Variants in FOXN3 observed in about 807,000 individuals in gnomAD.
The protein encoded by FOXN3 is forkhead box protein N3.
A neutral mutation model predicts 38.4 loss-of-function variants in FOXN3; 7 were observed. The ratio of observed to expected loss-of-function variants is 0.18; its 90% CI spans 0.10 to 0.34. The LOEUF is 0.34. Ranked by LOEUF, FOXN3 falls within the 10% of genes least tolerant of loss-of-function variation. The pLI, the probability that FOXN3 is intolerant of heterozygous loss-of-function variation, is 1.00. For missense variants in FOXN3, 456 were observed against 613.4 expected, an observed-to-expected ratio of 0.74 and a Z score of 2.71; for synonymous variants, 230 against 242.2, an observed-to-expected ratio of 0.95 and a Z score of 0.47.
At chr14:89,329,676 T>A (rs1888181331) in intron 3 of FOXN3, among the ~76,000 whole-genome samples, 1 of 151,732 alleles carries the variant, frequency 6.6e-6, no homozygotes, top group African/African-American at 2.4e-5. Context: ...CCTAACATGG[T>A]GAAACCCTGT....
At chr14:89,193,179 CT>C (rs1387254744) in intron 4 of FOXN3, among the ~76,000 whole-genome samples, 1 of 152,052 alleles carries the variant, frequency 6.6e-6, no homozygotes, top group Admixed American at 6.5e-5. Context: ...TACATGGTCC[CT>C]GCCTCCGCAG....
At chr14:89,606,560 A>T (rs1164894866) in intron 1 of FOXN3, among the ~76,000 whole-genome samples, 1 of 152,184 alleles carries the variant, frequency 6.6e-6, no homozygotes, top group Non-Finnish European at 1.5e-5. Context: ...GTATAAAAAT[A>T]AAACTGTAGC....
chr14:89,310,370 C>T (rs969560853), intron 3 of FOXN3, among the ~76,000 whole-genome samples: 2 of 152,294 alleles, frequency 1.3e-5, no homozygotes, highest in African/African-American at 4.8e-5. Flanking sequence ...ATGGAGAGAG[C>T]GGCTCGGCTG....
intron 3 of FOXN3, among the ~76,000 whole-genome samples, chr14:89,327,056 T>A (rs1374124443): frequency 6.7e-6 from 1 of 149,300 alleles, no homozygotes. Context: ...CTCCAAGAGA[T>A]GAGTCCAATT....
rs755857217 is a variant in FOXN3 at position 89,350,719 on chromosome 14, G to T, written c.633C>A (p.His211Gln). The T allele has an allele frequency of 6.2e-7, 1 of 1,602,900 alleles. No homozygotes were observed. The highest frequency in any genetic ancestry group is 1.3e-5 in the African/African-American group (1 of 74,232). Residue 211 changes from histidine (H) to glutamine (Q), a missense_variant, in exon 3 of 6, where the codon CAC (histidine) becomes CAA (glutamine). By Grantham distance (24) the His-to-Gln change is conservative. This residue lies in a region of FOXN3 where 386 missense variants were observed against 505.2 expected (regional missense o/e 0.76). Transcript: ENST00000557258. ...TGGGAGGTGTATTGAACACGTGTGG[G>T]TGTGGGTGATAAGGTGTCTTTTTCA... is the stretch of plus-strand genomic sequence containing the variant. ...QALKKTPYHPHPHVFNTPPTC... is the reference protein window; with the variant it reads ...QALKKTPYHPQPHVFNTPPTC...
intron 3 of FOXN3, among the ~76,000 whole-genome samples, chr14:89,332,740 G>A: frequency 6.6e-6 from 1 of 152,104 alleles, no homozygotes; most frequent in South Asian, 2.1e-4. Context: ...TACAGCAAAG[G>A]AAATAGTCTA....
intron 4 of FOXN3, among the ~76,000 whole-genome samples, chr14:89,233,775 G>A (rs1029661886): frequency 3.9e-5 from 6 of 152,196 alleles, no homozygotes; most frequent in African/African-American, 9.7e-5. Flanking sequence ...GAGTGACCTC[G>A]GGTAGGTCCC....
intron 4 of FOXN3, among the ~76,000 whole-genome samples, chr14:89,201,735 C>T (rs987621944): frequency 6.6e-6 from 1 of 152,152 alleles, no homozygotes; most frequent in African/African-American, 2.4e-5. Flanking sequence ...GGTCATCTTC[C>T]CCAGTGATTG....
chr14:89,354,525 C>T (rs1473396284), intron 2 of FOXN3, among the ~76,000 whole-genome samples: 1 of 145,516 alleles, frequency 6.9e-6, no homozygotes, highest in Non-Finnish European at 1.5e-5. Flanking sequence ...CTGCGCCCGG[C>T]CGTGGAGTGC....
At chr14:89,457,544 T>C (rs1892751795) in intron 1 of FOXN3, among the ~76,000 whole-genome samples, 1 of 152,140 alleles carries the variant, frequency 6.6e-6, no homozygotes, top group Non-Finnish European at 1.5e-5. Context: ...GGGACAACAA[T>C]AGTACCTACT....
chr14:89,482,646 C>T (rs1262004521), intron 1 of FOXN3, among the ~76,000 whole-genome samples: 1 of 151,602 alleles, frequency 6.6e-6, no homozygotes, highest in African/African-American at 2.4e-5. Context: ...TGGTGGCTCA[C>T]ACCTATAATC....
chr14:89,545,818 G>A (rs1303893055), intron 1 of FOXN3, among the ~76,000 whole-genome samples: 1 of 152,066 alleles, frequency 6.6e-6, no homozygotes, highest in Non-Finnish European at 1.5e-5. Flanking sequence ...CTTCACAAAC[G>A]CCACCCCAGA....
At position 89,272,314 on chromosome 14, in the gene FOXN3, A is replaced by C. The variant is rs1886173561; in HGVS notation, c.745+8636T>G. On this transcript the variant is annotated intron_variant, in intron 4 of 5. Coordinates refer to ENST00000557258, the MANE Select transcript of FOXN3 (RefSeq NM_005197.4). ...GGTGACAGAGCGAAACTCTGTTTCAAAAAAAAAGAAGTGATGGTTGCACAA... is the reference window on the plus strand; with the variant it reads ...GGTGACAGAGCGAAACTCTGTTTCACAAAAAAAGAAGTGATGGTTGCACAA... 2.6e-5 allele frequency among the ~76,000 whole-genome samples: 4 copies of C among 152,050 alleles called. No individual in the cohort carries two copies. The South Asian group carries it at 8.3e-4, about 32-fold the overall frequency.
At chr14:89,505,923 C>CAGCT (rs1893915313) in intron 1 of FOXN3, among the ~76,000 whole-genome samples, 1 of 149,472 alleles carries the variant, frequency 6.7e-6, no homozygotes, top group African/African-American at 2.5e-5. Context: ...TCTGCCCGGC[C>CAGCT]GCCCCGTCTG....
At chr14:89,594,633 C>T (rs1028800730) in intron 1 of FOXN3, among the ~76,000 whole-genome samples, 4 of 152,086 alleles carry the variant, frequency 2.6e-5, no homozygotes, top group African/African-American at 7.2e-5. Context: ...AAATTATAGA[C>T]GTTGTAAATA....
chr14:89,309,624 G>T (rs896099779), intron 3 of FOXN3, among the ~76,000 whole-genome samples: 10 of 152,144 alleles, frequency 6.6e-5, no homozygotes, highest in Non-Finnish European at 1.3e-4. Context: ...GGGGTCTCTG[G>T]AGTCTGCTCT....
chr14:89,496,157 G>A (rs1249615288), intron 1 of FOXN3, among the ~76,000 whole-genome samples: 1 of 152,130 alleles, frequency 6.6e-6, no homozygotes, highest in African/African-American at 2.4e-5. Context: ...AGGTTGCAGT[G>A]AGCTGAGATG....
At chr14:89,318,357 C>T (rs1566955017) in intron 3 of FOXN3, among the ~76,000 whole-genome samples, 2 of 152,102 alleles carry the variant, frequency 1.3e-5, no homozygotes, top group East Asian at 3.9e-4. Context: ...TGGAGTTTCA[C>T]CATGTTGACC....
At chr14:89,421,365 C>G (rs565808874), upstream of FOXN3, among the ~76,000 whole-genome samples, 1 of 151,366 alleles carries the variant, frequency 6.6e-6, no homozygotes, top group Admixed American at 6.6e-5. Flanking sequence ...TCAGGCTGGT[C>G]TTGAACTCCT....
Sources: allele counts gnomAD v4.1 joint callset (sites outside exome capture counted in the v4.1 genomes callset), GRCh38; gene constraint gnomAD v4.1.1; regional missense constraint gnomAD v4.1.1; transcripts MANE v1.5; gene names NCBI Gene and HGNC (gene_info 2026-07-23, HGNC 2026-07-21).